Variants in KLF11 observed in about 807,000 individuals in gnomAD.
The protein encoded by KLF11 is Krueppel-like factor 11.
KLF11 carries 26 observed loss-of-function variants against 29.9 expected under a neutral mutation model. The ratio of observed to expected loss-of-function variants is 0.87; its 90% CI spans 0.64 to 1.21. The LOEUF is 1.21. Among genes scored for constraint, KLF11 ranks in the 50% most tolerant of loss-of-function variants. KLF11 has a pLI of 0.00. For missense variants in KLF11, 778 were observed against 665.7 expected (o/e 1.17, Z -1.86); for synonymous variants, 318 against 257.4 (o/e 1.24, Z -2.25).
In KLF11 at chr2:10,051,785, T is replaced by G. The variant is rs140095291; in HGVS notation, c.1259-442T>G. Among the ~76,000 whole-genome samples the G allele has an allele frequency of 1.3e-3, 200 of 150,958 alleles. No homozygotes were observed. In the South Asian group the frequency reaches 0.014, roughly 11 times the overall value. On this transcript the variant is annotated intron_variant, in intron 3 of 3. Transcript: ENST00000305883. The stretch of plus-strand genomic sequence containing the variant: ...GCCCGCCTCGGCCTCCCAAAGTGCT[T>G]GGATTACAGGCGTGAGCCACTGCGC...
At chr2:10,044,486 A>C in intron 1 of KLF11, 1 of 972,262 alleles carries the variant, frequency 1.0e-6, no homozygotes, top group Non-Finnish European at 1.2e-6. Context: ...CTGTGACATC[A>C]CAGGGGGTTT....
At position 10,053,488 on chromosome 2, in the gene KLF11, G is replaced by C; in HGVS notation, c.*981G>C. 1 of 398,630 alleles carries C rather than the reference G, an allele frequency of 2.5e-6. No individual in the cohort carries two copies. The highest frequency in any genetic ancestry group is 4.4e-6 in the Non-Finnish European group (1 of 226,054). 24.7% of individuals were successfully genotyped at this position (398,630 alleles called of 1,614,324 possible). Reference sequence around the variant, plus strand: ...CAGAAAAAAAGGAAATGTCTGTATTGGTTGGATGAAACTCCACCAGAGCAC... The same window carrying C: ...CAGAAAAAAAGGAAATGTCTGTATTCGTTGGATGAAACTCCACCAGAGCAC... On this transcript the variant is annotated 3_prime_UTR_variant, in exon 4 of 4. Transcript: ENST00000305883.
At chr2:10,044,019 G>T (rs1193815891) in intron 1 of KLF11, 4 of 714,128 alleles carry the variant, frequency 5.6e-6, no homozygotes, top group South Asian at 6.2e-5. Flanking sequence ...GCCCCGCCCC[G>T]CTGGCCCCGC....
chr2:10,046,558 G>A, intron 2 of KLF11, 139 bp downstream of exon 2: 4 of 974,494 alleles, frequency 4.1e-6, no homozygotes, highest in South Asian at 1.4e-5. Flanking sequence ...GTCTGAAGGA[G>A]TAGAAACTCT....
At chr2:10,044,438 T>G (rs1661114797) in intron 1 of KLF11, 1 of 985,344 alleles carries the variant, frequency 1.0e-6, no homozygotes, top group African/African-American at 1.7e-5. Flanking sequence ...GGCGAGCCCC[T>G]TCCCGCCCGT....
chr2:10,054,757 AACAG>A lies in KLF11; in HGVS notation c.*2253_*2256del, dbSNP rs1445320635. 6.6e-6 allele frequency: 1 copy of A among 152,622 alleles called. No individual in the cohort carries two copies. The highest frequency in any genetic ancestry group is 2.4e-5 in the African/African-American group (1 of 41,448). The allele number at this position is 152,622 out of a possible 1,614,324, so 9.5% of individuals were successfully genotyped here. A position where few individuals can be genotyped will look rare whatever the true frequency, so the allele number is the denominator to read the frequency against. ...AATGTTTCATAATTATGTTTTATGT[AACAG>A]ACTTTGACATTATTTAAACGAGCAT... On this transcript the variant is annotated 3_prime_UTR_variant, in exon 4 of 4. Coordinates refer to ENST00000305883, the MANE Select transcript of KLF11 (RefSeq NM_003597.5).
intron 3 of KLF11, among the ~76,000 whole-genome samples, 176 bp downstream of exon 3, chr2:10,048,771 C>T (rs946440115): frequency 2.0e-5 from 3 of 152,176 alleles, no homozygotes; most frequent in Admixed American, 1.3e-4. Flanking sequence ...ATTGTTTGCA[C>T]AGCCATCAGG....
chr2:10,044,125 GCGGGGCAAGAGC>G, intron 1 of KLF11: 5 of 140,402 alleles, frequency 3.6e-5, no homozygotes, highest in Non-Finnish European at 4.3e-5. Flanking sequence ...GGCCTTGGGG[GCGGGGCAAGAGC>G]TGCTGGCGGG....
chr2:10,044,126 C>A, intron 1 of KLF11: 1 of 132,628 alleles, frequency 7.5e-6, no homozygotes, highest in Non-Finnish European at 9.0e-6. Context: ...GCCTTGGGGG[C>A]GGGGCAAGAG....
In KLF11 at chr2:10,052,541, A is replaced by G. The variant is rs753281960; in HGVS notation, c.*34A>G. ...TTAGGACATCACTCATGGGATTTTT[A>G]AAAAGCCTCTTTCCAGGAATGGAAC... On this transcript the variant is annotated 3_prime_UTR_variant, in exon 4 of 4. Coordinates refer to ENST00000305883, the MANE Select transcript of KLF11 (RefSeq NM_003597.5). 5 of 1,608,408 alleles carry G rather than the reference A, an allele frequency of 3.1e-6. No homozygotes were observed. In the East Asian group the frequency reaches 1.1e-4, roughly 36 times the overall value.
At chr2:10,051,407 A>G (rs1014296312) in intron 3 of KLF11, among the ~76,000 whole-genome samples, 1 of 151,322 alleles carries the variant, frequency 6.6e-6, no homozygotes, top group Non-Finnish European at 1.5e-5. Flanking sequence ...CAGTTTCGCC[A>G]TGTTGGTCAG....
rs946697108 is a variant in KLF11 at position 10,044,432 on chromosome 2, A to G, written c.42+674A>G. The G allele has an allele frequency of 2.0e-5, 20 of 985,356 alleles. No individual in the cohort carries two copies. In the African/African-American group the frequency reaches 3.5e-4, roughly 17 times the overall value. 61.0% of individuals were successfully genotyped at this position (985,356 alleles called of 1,614,324 possible). A position where few individuals can be genotyped will look rare whatever the true frequency, so the allele number is the denominator to read the frequency against. Reference sequence around the variant, plus strand: ...GTGTGCGGGCACTGTGGGCCGGGCGAGCCCCTTCCCGCCCGTGTGGTGAGT... The same window carrying G: ...GTGTGCGGGCACTGTGGGCCGGGCGGGCCCCTTCCCGCCCGTGTGGTGAGT... On this transcript the variant is annotated intron_variant, in intron 1 of 3. Transcript: ENST00000305883.
At position 10,048,481 on chromosome 2, in the gene KLF11, T is replaced by C. The variant is rs775405476; in HGVS notation, c.1144T>C (p.Cys382Arg). The C allele has an allele frequency of 7.4e-6, 12 of 1,613,886 alleles. No homozygotes were observed. Among genetic ancestry groups the C allele is most frequent in the Non-Finnish European group, 1.0e-5 (12 of 1,180,026 alleles). ...AGTGTTCATCACCTCTAGCCAAAAC[T>C]GTGTCCCTCAGGTAGACTTTTCCCG... ...APVFITSSQNCVPQVDFSRRR... is the reference protein window; with the variant it reads ...APVFITSSQNRVPQVDFSRRR... Residue 382 changes from cysteine (C) to arginine (R), a missense_variant, in exon 3 of 4, where the codon TGT becomes CGT. Cys to Arg is a radical substitution (Grantham distance 180). Coordinates refer to ENST00000305883, the MANE Select transcript of KLF11 (RefSeq NM_003597.5).
intron 2 of KLF11, among the ~76,000 whole-genome samples, chr2:10,046,785 G>A (rs1661219362): frequency 6.6e-6 from 1 of 152,134 alleles, no homozygotes; most frequent in South Asian, 2.1e-4. Flanking sequence ...AACCCGGGAG[G>A]CGGAGGTTGC....
rs934965227 is a variant in KLF11 at position 10,053,110 on chromosome 2, C to T, written c.*603C>T. The T allele has an allele frequency of 1.8e-5, 7 of 397,274 alleles. No individual in the cohort carries two copies. Among genetic ancestry groups the T allele is most frequent in the African/African-American group, 6.2e-5 (3 of 48,544 alleles). The allele number at this position is 397,274 out of a possible 1,614,324, so 24.6% of individuals were successfully genotyped here. A position where few individuals can be genotyped will look rare whatever the true frequency, so the allele number is the denominator to read the frequency against. On this transcript the variant is annotated 3_prime_UTR_variant, in exon 4 of 4. Coordinates refer to ENST00000305883, the MANE Select transcript of KLF11 (RefSeq NM_003597.5). ...CTTAAAAGGGAAAAATAAATTTTGCCGTCAGCTTCTTCATAACGTTTTCAA... is the reference window on the plus strand; with the variant it reads ...CTTAAAAGGGAAAAATAAATTTTGCTGTCAGCTTCTTCATAACGTTTTCAA...
Position 10,047,841 on chromosome 2 carries a change from C to T in KLF11, c.504C>T (p.Cys168=). The part of the protein sequence containing the change: ...LGLEPVPSSP[C]RAKGTSVIRH... ...TGGAGCCAGTGCCCAGCTCTCCCTG[C>T]AGGGCCAAGGGGACTAGCGTGATCC... The change falls in exon 3 of 4, where the codon TGC becomes TGT. Residue 168 remains cysteine (C), a synonymous_variant. Transcript: ENST00000305883. 6.2e-7 allele frequency: 1 copy of T among 1,613,822 alleles called. No homozygotes were observed.
At chr2:10,045,794 C>T (rs937350995) in intron 1 of KLF11, among the ~76,000 whole-genome samples, 1 of 152,358 alleles carries the variant, frequency 6.6e-6, no homozygotes, top group African/African-American at 2.4e-5. Context: ...GTTGGCTCCT[C>T]CTCCCTGGGC....
intron 3 of KLF11, 151 bp downstream of exon 3, chr2:10,048,746 C>T (rs1661313627): frequency 2.8e-6 from 2 of 706,764 alleles, no homozygotes; most frequent in Non-Finnish European, 5.0e-6. Flanking sequence ...GCCCGCACAA[C>T]CTTGTAAGGG....
rs556494974 is a variant in KLF11, at chr2:10,051,565, T to C, written c.1259-662T>C. Among the ~76,000 whole-genome samples, 168 of 151,936 alleles carry C rather than the reference T, an allele frequency of 1.1e-3. 1 individual carries two copies. Among genetic ancestry groups the C allele is most frequent in the African/African-American group, 3.9e-3 (163 of 41,404 alleles). The stretch of plus-strand genomic sequence containing the variant: ...ACGGAGTCTCCTGTGTCGCCCAGGC[T>C]GGAGTGCAGTGGTGCAATCTCGGCT... On this transcript the variant is annotated intron_variant, in intron 3 of 3. Transcript: ENST00000305883.
Sources: gnomAD v4.1 joint callset for allele counts (sites outside exome capture counted in the v4.1 genomes callset) on GRCh38, gnomAD v4.1.1 for gene constraint, MANE v1.5 for transcripts, NCBI Gene and HGNC (gene_info 2026-07-23, HGNC 2026-07-21) for gene names.